The following PPFIA4 variants were observed in gnomAD, a reference collection of about 807,000 sequenced individuals.
PPFIA4 encodes PPFI scaffold protein A4.
Under a neutral mutation model 145.7 loss-of-function variants are expected in PPFIA4, and 98 were observed. That is an observed-to-expected ratio of 0.67 (90% CI 0.57 to 0.80). PPFIA4 has a LOEUF of 0.80. PPFIA4 is among the 30% of genes least tolerant of loss of function. The pLI is 0.00. For missense variants in PPFIA4, 1,457 were observed against 1,632.7 expected (o/e 0.89, Z 1.85); for synonymous variants, 628 against 649.6 (o/e 0.97, Z 0.51).
At position 203,048,472 on chromosome 1, in the gene PPFIA4, G is replaced by C. The variant is rs1042280010; in HGVS notation, c.1225-111G>C. On this transcript the variant is annotated intron_variant, in intron 10 of 29. Coordinates refer to ENST00000295706, the MANE Select transcript of PPFIA4 (RefSeq NM_001304331.2). This position sits in a 1 kb window ranked among gnomAD's most constrained non-coding sequence, Gnocchi z 5.8. ...AGGGGGAGGTGGTCAGGAGACTGGA[G>C]AGAGTGGCTCCCAGAGGATGAGAAG... is the stretch of plus-strand genomic sequence containing the variant. 3.1e-5 allele frequency: 46 copies of C among 1,502,124 alleles called. No homozygotes were observed. The highest frequency in any genetic ancestry group is 3.8e-5 in the Non-Finnish European group (42 of 1,107,928). 93.0% of individuals were successfully genotyped at this position (1,502,124 alleles called of 1,614,324 possible). A position where few individuals can be genotyped will look rare whatever the true frequency, so the allele number is the denominator to read the frequency against.
At chr1:203,027,711 G>T (rs1011030078) in intron 1 of PPFIA4, among the ~76,000 whole-genome samples, 9 of 152,196 alleles carry the variant, frequency 5.9e-5, no homozygotes, top group African/African-American at 2.2e-4. Context: ...CTATCTGCCA[G>T]ATACTATGCT....
At chr1:203,056,540 C>G in intron 18 of PPFIA4, 32 bp downstream of exon 18, 6 of 1,606,302 alleles carry the variant, frequency 3.7e-6, no homozygotes, top group Non-Finnish European at 5.1e-6. Flanking sequence ...TCCAGTCTCT[C>G]CATCCACAGG....
chr1:203,061,632 G>A lies in PPFIA4; in HGVS notation c.2848-20G>A, dbSNP rs1261633748. 7 of 1,559,660 alleles carry A rather than the reference G, an allele frequency of 4.5e-6. No individual in the cohort carries two copies. The highest frequency in any genetic ancestry group is 2.7e-5 in the African/African-American group (2 of 73,318). On this transcript the variant is annotated intron_variant, in intron 23 of 29. Transcript: ENST00000295706. The stretch of plus-strand genomic sequence containing the variant: ...TGACTTTGCCTGTTTCCCCTAACAC[G>A]CTGCACTCGTTCCTGCTAGGACAGT...
intron 28 of PPFIA4, among the ~76,000 whole-genome samples, chr1:203,074,319 A>G (rs1662370194): frequency 6.6e-6 from 1 of 152,130 alleles, no homozygotes; most frequent in African/African-American, 2.4e-5. Flanking sequence ...ACAAACCTAT[A>G]CAGCTTGTTA....
chr1:203,037,822 C>A (rs1432436245), intron 1 of PPFIA4, among the ~76,000 whole-genome samples: 1 of 152,184 alleles, frequency 6.6e-6, no homozygotes, highest in Admixed American at 6.5e-5. Flanking sequence ...TGGCACCCTG[C>A]ACCTCTATAT....
intron 6 of PPFIA4, 61 bp downstream of exon 6, chr1:203,044,846 C>A: frequency 7.2e-7 from 1 of 1,380,536 alleles, no homozygotes; most frequent in Non-Finnish European, 1.0e-6. Context: ...AGGTTGGAGG[C>A]CCGGCTCTGC....
At chr1:203,039,861 C>G (rs1364926837) in intron 2 of PPFIA4, among the ~76,000 whole-genome samples, 1 of 152,204 alleles carries the variant, frequency 6.6e-6, no homozygotes, top group African/African-American at 2.4e-5. Flanking sequence ...ACCATCATCC[C>G]ATTGTACAAA....
chr1:203,032,041 CGT>C (rs66626205), intron 1 of PPFIA4, among the ~76,000 whole-genome samples: 378 of 146,410 alleles, frequency 2.6e-3, no homozygotes, highest in African/African-American at 7.5e-3. Context: ...TCTGAGAGAA[CGT>C]GTGTGTGTGT....
rs1466767750 is a variant in PPFIA4, at chr1:203,078,301, G to A, written c.*1911G>A. Reference sequence around the variant, plus strand: ...GGAGATTCCTAAGATTGGTGGAGTTGGGCAATGCATAGCCATCTGACTCCT... The same window carrying A: ...GGAGATTCCTAAGATTGGTGGAGTTAGGCAATGCATAGCCATCTGACTCCT... On this transcript the variant is annotated 3_prime_UTR_variant, in exon 30 of 30. Transcript: ENST00000295706. 1 of 152,308 alleles carries A rather than the reference G, an allele frequency of 6.6e-6. No homozygotes were observed. Among genetic ancestry groups the A allele is most frequent in the Admixed American group, 6.5e-5 (1 of 15,292 alleles). The allele number at this position is 152,308 out of a possible 1,614,324, so 9.4% of individuals were successfully genotyped here.
chr1:203,046,271 G>C lies in PPFIA4; in HGVS notation c.1029G>C (p.Leu343=). 1 of 1,595,792 alleles carries C rather than the reference G, an allele frequency of 6.3e-7. No homozygotes were observed. The highest frequency in any genetic ancestry group is 8.5e-7 in the Non-Finnish European group (1 of 1,171,900). The change falls in exon 9 of 30, where the codon CTG becomes CTC. Residue 343 remains leucine, a synonymous_variant. Coordinates refer to ENST00000295706, the MANE Select transcript of PPFIA4 (RefSeq NM_001304331.2). ...AGTGTGAGGAGAAGGCCCGACACCT[G>C]CAGGAGCTGCTGGAGGTGGCAGAGC... is the stretch of plus-strand genomic sequence containing the variant. The part of the protein sequence containing the change: ...HRQCEEKARH[L]QELLEVAEQK...
In PPFIA4 at chr1:203,056,142, GGAGGAAGCTGCTGGT is replaced by G; in HGVS notation, c.2097_2106+5del. 6.2e-7 allele frequency: 1 copy of G among 1,613,924 alleles called. No homozygotes were observed. Among genetic ancestry groups the G allele is most frequent in the South Asian group, 1.1e-5 (1 of 91,074 alleles). ...CAGCCCAGTGACTTAAGAAAGCATA[GGAGGAAGCTGCTGGT>G]GAGTGCTGCCTGATGGCCCAGGTAC... On this transcript the variant is annotated splice_donor_variant and coding_sequence_variant, in exon 17 of 30. Transcript: ENST00000295706. LOFTEE classifies it high-confidence loss of function.
At chr1:203,045,332 C>G in intron 6 of PPFIA4, 36 bp from the exon 7 acceptor site, 1 of 1,508,700 alleles carries the variant, frequency 6.6e-7, no homozygotes, top group Non-Finnish European at 8.9e-7. Context: ...TGGGATGCTG[C>G]TGTGACTCAC....
At position 203,075,688 on chromosome 1, in the gene PPFIA4, G is replaced by C; in HGVS notation, c.3505G>C (p.Gly1169Arg). 2.7e-6 allele frequency: 4 copies of C among 1,490,580 alleles called. No homozygotes were observed. Among genetic ancestry groups the C allele is most frequent in the Non-Finnish European group, 3.6e-6 (4 of 1,117,960 alleles). 92.3% of individuals were successfully genotyped at this position (1,490,580 alleles called of 1,614,324 possible). ...CGCTTCCGCGGAGACCCTCCCGGCG[G>C]GCTTCCGTGTGTCCACCCTGGGGAC... ...LSASAETLPA[G>R]FRVSTLGTLQ... The change falls in exon 29 of 30, where the codon GGC becomes CGC. Residue 1169 changes from glycine to arginine, a missense_variant. Coordinates refer to ENST00000295706, the MANE Select transcript of PPFIA4 (RefSeq NM_001304331.2). This position sits in a 1 kb window ranked among gnomAD's most constrained non-coding sequence, Gnocchi z 4.1.
In PPFIA4 at chr1:203,043,333, G is replaced by C. The variant is rs1199175497; in HGVS notation, c.235-64G>C. ...GGTGAGAGGATCCCACCACTGACTT[G>C]CATGTGCAGGACACTGCTTTGGGGG... On this transcript the variant is annotated intron_variant, in intron 2 of 29. Coordinates refer to ENST00000295706, the MANE Select transcript of PPFIA4 (RefSeq NM_001304331.2). This position sits in a 1 kb window ranked among gnomAD's most constrained non-coding sequence, Gnocchi z 4.4. The C allele has an allele frequency of 4.2e-6, 6 of 1,412,868 alleles. No homozygotes were observed. Among genetic ancestry groups the C allele is most frequent in the Non-Finnish European group, 4.9e-6 (5 of 1,020,024 alleles). 87.5% of individuals were successfully genotyped at this position (1,412,868 alleles called of 1,614,324 possible). A position where few individuals can be genotyped will look rare whatever the true frequency, so the allele number is the denominator to read the frequency against.
At chr1:203,035,739 C>G in intron 1 of PPFIA4, 1 of 443,318 alleles carries the variant, frequency 2.3e-6, no homozygotes, top group Middle Eastern at 3.6e-4. Flanking sequence ...CCAGAAGGAG[C>G]TGGAAGGAGC....
Position 203,032,459 on chromosome 1 carries a change from G to T in PPFIA4, c.-400+5830G>T, listed in dbSNP as rs117881244. 5.2e-4 allele frequency among the ~76,000 whole-genome samples: 67 copies of T among 129,026 alleles called. No individual in the cohort carries two copies. In the East Asian group the frequency reaches 0.016, roughly 32 times the overall value. The allele number at this position is 129,026 out of a possible 152,430, so 84.6% of individuals were successfully genotyped here. On this transcript the variant is annotated intron_variant, in intron 1 of 29. Coordinates refer to ENST00000295706, the MANE Select transcript of PPFIA4 (RefSeq NM_001304331.2). The stretch of plus-strand genomic sequence containing the variant: ...TTGTTGTTGTTGTTTTTGAAATAGG[G>T]TCTTGCTCTGTTACCCAGGCTGGAG...
Position 203,055,358 on chromosome 1 carries a change from G to C in PPFIA4, c.1830-74G>C, listed in dbSNP as rs138283297. 7.9e-4 allele frequency: 1,254 copies of C among 1,594,130 alleles called. 11 individuals are homozygous for C. In the African/African-American group the frequency reaches 0.015, roughly 20 times the overall value. On this transcript the variant is annotated intron_variant, in intron 15 of 29. Transcript: ENST00000295706. This position sits in a 1 kb window ranked among gnomAD's most constrained non-coding sequence, Gnocchi z 4.8. The stretch of plus-strand genomic sequence containing the variant: ...CATGTGGTCCTTGGTGGCGAGTGCA[G>C]GCATCGACCCGCACTGCCTCCTGCT...
At chr1:203,034,540 A>G (rs112817589) in intron 1 of PPFIA4, 182 of 456,484 alleles carry the variant, frequency 4.0e-4, no homozygotes, top group African/African-American at 3.1e-3. Context: ...TGCAGCGCCT[A>G]TGGGAGTGGG....
At position 203,051,840 on chromosome 1, in the gene PPFIA4, A is replaced by G. The variant is rs766939806; in HGVS notation, c.1583A>G (p.His528Arg). 29 of 1,613,676 alleles carry G rather than the reference A, an allele frequency of 1.8e-5. 1 individual carries two copies. The highest frequency in any genetic ancestry group is 3.3e-4 in the Middle Eastern group (2 of 6,084). ...GTTTHAPPGV[H>R]RRYSALREES... ...ACCACACACGCACCCCCAGGCGTGC[A>G]TCGCCGCTACTCGGCATTGAGGGAA... is the stretch of plus-strand genomic sequence containing the variant. Residue 528 changes from histidine (H) to arginine (R), a missense_variant, in exon 14 of 30, where the codon CAT becomes CGT. Transcript: ENST00000295706.
Sources: allele counts gnomAD v4.1 joint callset (sites outside exome capture counted in the v4.1 genomes callset), GRCh38; gene constraint gnomAD v4.1.1; non-coding constraint Gnocchi (gnomAD v3.1); transcripts MANE v1.5; gene names NCBI Gene and HGNC (gene_info 2026-07-23, HGNC 2026-07-21).